Variants in RALGPS1 observed in about 807,000 individuals in gnomAD.
RALGPS1 encodes the protein Ral GEF with PH domain and SH3 binding motif 1, also known as ras-specific guanine nucleotide-releasing factor RalGPS1.
RALGPS1 carries 19 observed loss-of-function variants against 78.8 expected under a neutral mutation model. That is an observed-to-expected ratio of 0.24 (90% CI 0.17 to 0.35). The LOEUF (loss-of-function observed/expected upper bound fraction) is 0.35. RALGPS1 is among the 10% of genes least tolerant of loss of function. The pLI is 1.00. For synonymous variants in RALGPS1, 228 were observed against 256.3 expected, an observed-to-expected ratio of 0.89 and a Z score of 1.06; for missense variants, 454 against 688.3, an observed-to-expected ratio of 0.66 and a Z score of 3.81.
At chr9:127,196,753 C>A in intron 13 of RALGPS1, 122 bp downstream of exon 13, 2 of 1,175,156 alleles carry the variant, frequency 1.7e-6, no homozygotes, top group Non-Finnish European at 1.2e-6. Flanking sequence ...GACCCAGTGG[C>A]CCCTCACCTC....
At chr9:127,190,389 T>TA (rs1168494405) in intron 11 of RALGPS1, among the ~76,000 whole-genome samples, 2 of 152,194 alleles carry the variant, frequency 1.3e-5, no homozygotes, top group African/African-American at 2.4e-5. Context: ...AGTGGCATGA[T>TA]ATCAGCTTAC....
At chr9:127,040,019 A>G (rs1415284796) in intron 5 of RALGPS1, among the ~76,000 whole-genome samples, 2 of 152,190 alleles carry the variant, frequency 1.3e-5, no homozygotes, top group African/African-American at 4.8e-5. Flanking sequence ...TGGAAGAGCA[A>G]ATGGTTAGAC....
chr9:127,114,559 G>A (rs1023378402), intron 8 of RALGPS1, among the ~76,000 whole-genome samples: 2 of 152,170 alleles, frequency 1.3e-5, no homozygotes, highest in African/African-American at 2.4e-5. Context: ...AATTAAATCC[G>A]GATCTCAGGA....
At chr9:126,970,553 G>A (rs942550437) in intron 3 of RALGPS1, among the ~76,000 whole-genome samples, 2 of 152,164 alleles carry the variant, frequency 1.3e-5, no homozygotes, top group East Asian at 1.9e-4. Flanking sequence ...AAGAAATTCA[G>A]TAGGGAGTGG....
chr9:126,983,137 A>G (rs1284178508), intron 4 of RALGPS1, among the ~76,000 whole-genome samples: 1 of 151,194 alleles, frequency 6.6e-6, no homozygotes, highest in African/African-American at 2.4e-5. Flanking sequence ...GGGTTTCACC[A>G]CGTTGGCCAG....
chr9:127,006,589 A>C (rs1254418247), intron 4 of RALGPS1, among the ~76,000 whole-genome samples: 1 of 152,246 alleles, frequency 6.6e-6, no homozygotes, highest in African/African-American at 2.4e-5. Context: ...GTTATGTGAC[A>C]GGCATTATTC....
intron 17 of RALGPS1, among the ~76,000 whole-genome samples, 193 bp from the exon 18 acceptor site, chr9:127,214,558 A>G (rs2062465653): frequency 6.6e-6 from 1 of 152,216 alleles, no homozygotes; most frequent in African/African-American, 2.4e-5. Flanking sequence ...CCATGGCCCC[A>G]AAATGGTTAC....
chr9:127,018,852 T>A (rs2045161887), intron 4 of RALGPS1, among the ~76,000 whole-genome samples: 2 of 152,158 alleles, frequency 1.3e-5, no homozygotes, highest in Non-Finnish European at 2.9e-5. Flanking sequence ...ATAACATTTC[T>A]ATGACTACGG....
chr9:126,952,207 T>G (rs2037889564), intron 1 of RALGPS1, among the ~76,000 whole-genome samples: 1 of 152,210 alleles, frequency 6.6e-6, no homozygotes, highest in Non-Finnish European at 1.5e-5. Context: ...TACTGAGCAC[T>G]GCTGACTTCT....
chr9:127,210,796 T>C (rs1157546150), intron 14 of RALGPS1: 1 of 1,540,786 alleles, frequency 6.5e-7, no homozygotes, highest in East Asian at 2.4e-5. Context: ...TGTGTTCATG[T>C]GTTCATTTGT....
chr9:127,102,449 T>A (rs1268846100), intron 8 of RALGPS1, among the ~76,000 whole-genome samples: 1 of 152,188 alleles, frequency 6.6e-6, no homozygotes, highest in African/African-American at 2.4e-5. Context: ...ATGCCTGATC[T>A]CTAGGGTTTT....
chr9:126,947,236 G>C (rs1418404080), intron 1 of RALGPS1, among the ~76,000 whole-genome samples: 1 of 152,140 alleles, frequency 6.6e-6, no homozygotes, highest in Non-Finnish European at 1.5e-5. Flanking sequence ...TACCTGCCAG[G>C]CTCTGCACCA....
chr9:126,980,017 A>C (rs1460143772), intron 4 of RALGPS1, among the ~76,000 whole-genome samples: 1 of 152,220 alleles, frequency 6.6e-6, no homozygotes, highest in Non-Finnish European at 1.5e-5. Flanking sequence ...AGTTGCTTTA[A>C]GGTATCTGGA....
At chr9:126,995,380 C>T (rs1271067962) in intron 4 of RALGPS1, among the ~76,000 whole-genome samples, 2 of 152,130 alleles carry the variant, frequency 1.3e-5, no homozygotes, top group Admixed American at 6.6e-5. Context: ...GGGTTGCAAT[C>T]CTAGTCTCTC....
intron 8 of RALGPS1, chr9:127,094,023 C>A: frequency 7.2e-7 from 1 of 1,396,208 alleles, no homozygotes; most frequent in Non-Finnish European, 9.7e-7. Flanking sequence ...GTTGAGGCTC[C>A]AGCTGGGAGC....
chr9:127,108,817 C>T (rs971561896), intron 8 of RALGPS1: 2 of 1,390,988 alleles, frequency 1.4e-6, no homozygotes, highest in African/African-American at 2.9e-5. Flanking sequence ...GTGATGGTCC[C>T]ACCACTGTCA....
chr9:126,929,201 A>G (rs1265365943), intron 1 of RALGPS1, among the ~76,000 whole-genome samples: 1 of 152,228 alleles, frequency 6.6e-6, no homozygotes, highest in Non-Finnish European at 1.5e-5. Context: ...TCAGTATGAG[A>G]TTAGCAACAT....
intron 11 of RALGPS1, among the ~76,000 whole-genome samples, chr9:127,179,388 T>C (rs879701350): frequency 1.3e-5 from 2 of 152,152 alleles, no homozygotes; most frequent in Non-Finnish European, 2.9e-5. Context: ...GGGAGGCCTT[T>C]CTGGACCTGG....
rs551016014 is a variant in RALGPS1 at position 127,164,209 on chromosome 9, A to G, written c.611-1860A>G. On this transcript the variant is annotated intron_variant, in intron 8 of 18. Coordinates refer to ENST00000259351, the MANE Select transcript of RALGPS1 (RefSeq NM_014636.3). The stretch of plus-strand genomic sequence containing the variant: ...ACTCCATGGGTACCTGAAAAGAACT[A>G]TATTTTCATTTATAGAAAACCAAGC... 4.6e-5 allele frequency among the ~76,000 whole-genome samples: 7 copies of G among 152,288 alleles called. No homozygotes were observed. The South Asian group carries it at 6.2e-4, about 14-fold the overall frequency.
Sources: allele counts gnomAD v4.1 joint callset (sites outside exome capture counted in the v4.1 genomes callset), GRCh38; gene constraint gnomAD v4.1.1; transcripts MANE v1.5; gene names NCBI Gene and HGNC (gene_info 2026-07-23, HGNC 2026-07-21).